The following CRB1 variants were observed in gnomAD, a reference collection of about 807,000 sequenced individuals.
The protein encoded by CRB1 is crumbs cell polarity complex component 1, also known as protein crumbs homolog 1.
CRB1 carries 83 observed loss-of-function variants against 120.0 expected under a neutral mutation model. That is an observed-to-expected ratio of 0.69 (90% CI 0.58 to 0.83). CRB1 has a LOEUF of 0.83. CRB1 is among the 40% of genes least tolerant of loss of function. The pLI is 0.00. For missense variants in CRB1, 1,699 were observed against 1,687.6 expected (o/e 1.01, Z -0.12); for synonymous variants, 625 against 612.5 (o/e 1.02, Z -0.30).
chr1:197,230,153 G>A, the CRB1 span, among the ~76,000 whole-genome samples: 1 of 152,158 alleles, frequency 6.6e-6, no homozygotes, highest in Non-Finnish European at 1.5e-5. Flanking sequence ...CTCAGCTGAA[G>A]TGGAAATACC....
chr1:197,436,651 CTG>C (rs1665175236), intron 9 of CRB1, among the ~76,000 whole-genome samples: 1 of 152,072 alleles, frequency 6.6e-6, no homozygotes, highest in African/African-American at 2.4e-5. Flanking sequence ...AAATACAAAA[CTG>C]TTTAATATCC....
chr1:197,346,890 T>C (rs1438926231), intron 3 of CRB1, among the ~76,000 whole-genome samples: 1 of 152,228 alleles, frequency 6.6e-6, no homozygotes, highest in Non-Finnish European at 1.5e-5. Flanking sequence ...TATGGAACCT[T>C]ATTAATGGGC....
At chr1:197,387,726 A>G (rs1309884211) in intron 5 of CRB1, among the ~76,000 whole-genome samples, 3 of 152,080 alleles carry the variant, frequency 2.0e-5, no homozygotes, top group Admixed American at 6.6e-5. Context: ...TTACATGAAT[A>G]CAAGAGCCTT....
intron 5 of CRB1, among the ~76,000 whole-genome samples, chr1:197,419,791 G>A (rs1486594907): frequency 8.5e-5 from 12 of 140,376 alleles, no homozygotes; most frequent in Non-Finnish European, 1.9e-4. Context: ...TGGCTAATAT[G>A]GTGAAACCCC....
chr1:197,351,857 T>C (rs1199704133), intron 4 of CRB1, among the ~76,000 whole-genome samples: 1 of 152,142 alleles, frequency 6.6e-6, no homozygotes, highest in Non-Finnish European at 1.5e-5. Context: ...TTTGCCTAGA[T>C]AGAACATCCT....
At chr1:197,307,191 T>G (rs771212545) in intron 1 of CRB1, among the ~76,000 whole-genome samples, 1 of 152,196 alleles carries the variant, frequency 6.6e-6, no homozygotes, top group South Asian at 2.1e-4. Context: ...ATAGAACTGA[T>G]AGTAAAACTT....
the CRB1 span, among the ~76,000 whole-genome samples, chr1:197,256,686 T>A: frequency 6.6e-6 from 1 of 152,080 alleles, no homozygotes; most frequent in South Asian, 2.1e-4. Flanking sequence ...AGAAAATTGA[T>A]TTTTCTCCTT....
intron 1 of CRB1, among the ~76,000 whole-genome samples, chr1:197,294,014 AT>A (rs1656361505): frequency 6.6e-6 from 1 of 152,218 alleles, no homozygotes. Context: ...CAAGGACTTG[AT>A]GTCTAAAACA....
chr1:197,252,582 A>ATGTGTG, the CRB1 span, among the ~76,000 whole-genome samples: 575 of 15,406 alleles, frequency 0.037, 41 homozygotes, highest in East Asian at 0.21. Flanking sequence ...ATATATATAT[A>ATGTGTG]TGTGTGTGTG....
intron 2 of CRB1, among the ~76,000 whole-genome samples, chr1:197,340,492 GA>G (rs10717605): frequency 0.32 from 49,099 of 151,904 alleles, 9,776 homozygotes; most frequent in East Asian, 0.75. Flanking sequence ...ACTTTATAGT[GA>G]TCACATTTCT....
intron 5 of CRB1, among the ~76,000 whole-genome samples, chr1:197,398,693 A>G (rs1044438433): frequency 6.6e-5 from 10 of 152,202 alleles, no homozygotes; most frequent in African/African-American, 2.4e-4. Context: ...AGGTTTGGGT[A>G]TAAAGTGATT....
chr1:197,203,165 AT>A, the CRB1 span, among the ~76,000 whole-genome samples: 36 of 152,318 alleles, frequency 2.4e-4, no homozygotes, highest in African/African-American at 7.9e-4. Flanking sequence ...TTAACACATG[AT>A]TTTTTAAAAA....
intron 1 of CRB1, among the ~76,000 whole-genome samples, chr1:197,323,952 A>G (rs564299679): frequency 6.6e-6 from 1 of 152,320 alleles, no homozygotes; most frequent in Admixed American, 6.5e-5. Context: ...ATCAGAAATT[A>G]TATATAAAAG....
At chr1:197,250,061 C>A in the CRB1 span, among the ~76,000 whole-genome samples, 6 of 152,048 alleles carry the variant, frequency 3.9e-5, no homozygotes, top group African/African-American at 1.4e-4. Context: ...TCAGTAAGAG[C>A]AAATATATTA....
chr1:197,461,750 C>T (rs544118171), intron 11 of CRB1, among the ~76,000 whole-genome samples: 4 of 152,276 alleles, frequency 2.6e-5, no homozygotes, highest in African/African-American at 9.6e-5. Flanking sequence ...GAGCTTTCCC[C>T]TCTACCTGGC....
Position 197,434,787 on chromosome 1 carries a change from A to G in CRB1, c.2924A>G (p.Asn975Ser). The G allele has an allele frequency of 6.2e-7, 1 of 1,613,758 alleles. No individual in the cohort carries two copies. The highest frequency in any genetic ancestry group is 8.5e-7 in the Non-Finnish European group (1 of 1,179,706). The change falls in exon 9 of 12, where the codon AAT (asparagine) becomes AGT (serine). Residue 975 changes from asparagine (N) to serine (S), a missense_variant. Transcript: ENST00000367400. ...SNGNITRELT[N>S]ITFGFRTRDA... ...GGGAATATTACCAGAGAACTCACCA[A>G]TATCACATTTGGTTTCAGAACAAGG...
chr1:197,463,668 A>G (rs1450179453), intron 11 of CRB1, among the ~76,000 whole-genome samples: 2 of 152,218 alleles, frequency 1.3e-5, no homozygotes, highest in Non-Finnish European at 2.9e-5. Context: ...TCTTTTAAAT[A>G]CATGCAATAA....
chr1:197,288,889 GAA>G (rs1655994978), intron 1 of CRB1, among the ~76,000 whole-genome samples: 1 of 150,610 alleles, frequency 6.6e-6, no homozygotes, highest in Non-Finnish European at 1.5e-5. Context: ...TGGACTCCCT[GAA>G]AAAGAGAGTG....
intron 11 of CRB1, among the ~76,000 whole-genome samples, chr1:197,453,919 G>A (rs28394017): frequency 3.0e-3 from 74 of 24,596 alleles, no homozygotes; most frequent in Middle Eastern, 0.048. Flanking sequence ...ATATATTATT[G>A]ATATTATTAT....
Sources: allele counts gnomAD v4.1 joint callset (sites outside exome capture counted in the v4.1 genomes callset), GRCh38; gene constraint gnomAD v4.1.1; transcripts MANE v1.5; gene names NCBI Gene and HGNC (gene_info 2026-07-23, HGNC 2026-07-21).